The following AGMO variants were observed in gnomAD, a reference collection of about 807,000 sequenced individuals.
The protein encoded by AGMO is glyceryl-ether monooxygenase.
A neutral mutation model predicts 60.2 loss-of-function variants in AGMO; 75 were observed. The observed-to-expected ratio is 1.25, with a 90% CI of 1.03 to 1.51. AGMO has a LOEUF of 1.51. Ranked by LOEUF, AGMO falls within the 40% of genes most tolerant of loss-of-function variation. The pLI, the probability that AGMO is intolerant of heterozygous loss-of-function variation, is 0.00. For synonymous variants in AGMO, 261 were observed against 177.1 expected (o/e 1.47, Z -3.76); for missense variants, 763 against 525.5 (o/e 1.45, Z -4.42).
rs529628227 is a variant in AGMO at position 15,292,218 on chromosome 7, T to C, written c.1263+73296A>G. 1.5e-3 allele frequency among the ~76,000 whole-genome samples: 221 copies of C among 152,244 alleles called. 1 individual carries two copies. The highest frequency in any genetic ancestry group is 5.0e-3 in the African/African-American group (208 of 41,552). On this transcript the variant is annotated intron_variant, in intron 12 of 12. Coordinates refer to ENST00000342526, the MANE Select transcript of AGMO (RefSeq NM_001004320.2). ...GAGATTCTTCATCTTGGCTAAACAT[T>C]TGAATCAGCTGGGGAGCTGCAAAAG...
At chr7:15,543,454 G>C (rs867193659) in intron 3 of AGMO, among the ~76,000 whole-genome samples, 4 of 152,246 alleles carry the variant, frequency 2.6e-5, no homozygotes, top group Middle Eastern at 3.4e-3. Flanking sequence ...TTGCAGATGA[G>C]ACATTTTGTG....
intron 12 of AGMO, among the ~76,000 whole-genome samples, chr7:15,325,604 A>G (rs1414660143): frequency 2.6e-5 from 4 of 152,140 alleles, no homozygotes; most frequent in Admixed American, 2.0e-4. Flanking sequence ...AATATAAACA[A>G]TCAAAAAGGA....
At chr7:15,404,771 G>A (rs1329654284) in intron 5 of AGMO, among the ~76,000 whole-genome samples, 2 of 151,800 alleles carry the variant, frequency 1.3e-5, no homozygotes, top group Non-Finnish European at 2.9e-5. Flanking sequence ...CCCAATTTCA[G>A]ATATGACTTC....
intron 3 of AGMO, among the ~76,000 whole-genome samples, chr7:15,499,022 C>T (rs974341186): frequency 5.3e-5 from 8 of 151,878 alleles, no homozygotes; most frequent in Non-Finnish European, 1.2e-4. Flanking sequence ...CATAGAGTTA[C>T]AGAATTCTTC....
intron 12 of AGMO, among the ~76,000 whole-genome samples, chr7:15,361,018 G>C (rs907253804): frequency 6.6e-6 from 1 of 152,182 alleles, no homozygotes; most frequent in Non-Finnish European, 1.5e-5. Context: ...GCTATAGCTA[G>C]AATATTGGCA....
At chr7:15,175,877 C>T in the AGMO span, among the ~76,000 whole-genome samples, 76 of 151,944 alleles carry the variant, frequency 5.0e-4, no homozygotes, top group African/African-American at 1.7e-3. Flanking sequence ...AAGGTATTTA[C>T]TATGAAATTT....
chr7:15,345,764 C>G (rs1013752143), intron 12 of AGMO, among the ~76,000 whole-genome samples: 1 of 152,112 alleles, frequency 6.6e-6, no homozygotes, highest in Non-Finnish European at 1.5e-5. Flanking sequence ...AGCTTGATAA[C>G]TTACTTATCT....
intron 3 of AGMO, among the ~76,000 whole-genome samples, chr7:15,462,154 A>G (rs1782159407): frequency 6.6e-6 from 1 of 152,108 alleles, no homozygotes; most frequent in Admixed American, 6.6e-5. Flanking sequence ...AATTCTAAAT[A>G]AGACAAGTTT....
chr7:15,322,268 C>G (rs967612277), intron 12 of AGMO, among the ~76,000 whole-genome samples: 1 of 147,408 alleles, frequency 6.8e-6, no homozygotes, highest in Non-Finnish European at 1.5e-5. Flanking sequence ...AGGTACATAT[C>G]ATCAGACGCC....
chr7:15,229,363 G>A (rs1250154663), intron 12 of AGMO, among the ~76,000 whole-genome samples: 1 of 151,674 alleles, frequency 6.6e-6, no homozygotes, highest in East Asian at 1.9e-4. Flanking sequence ...ATGAAAGGTG[G>A]ATTCTAAGGG....
At chr7:15,384,036 C>A (rs62449264) in intron 10 of AGMO, among the ~76,000 whole-genome samples, 2,062 of 152,080 alleles carry the variant, frequency 0.014, 20 homozygotes, top group Non-Finnish European at 0.021. Flanking sequence ...CCCAGGTTCA[C>A]GTCATTCTTC....
intron 10 of AGMO, among the ~76,000 whole-genome samples, chr7:15,382,906 ATG>A (rs1783752603): frequency 6.6e-6 from 1 of 151,160 alleles, no homozygotes; most frequent in South Asian, 2.1e-4. Flanking sequence ...TCACGTATTT[ATG>A]TGTGATAACA....
At chr7:15,272,186 TTGTTACATA>T (rs780457303) in intron 12 of AGMO, among the ~76,000 whole-genome samples, 2 of 151,942 alleles carry the variant, frequency 1.3e-5, no homozygotes, top group African/African-American at 2.4e-5. Context: ...ACAACGTGGT[TTGTTACATA>T]TGTATACATG....
chr7:15,461,886 A>G (rs1290703063), intron 3 of AGMO, among the ~76,000 whole-genome samples: 1 of 152,150 alleles, frequency 6.6e-6, no homozygotes, highest in Non-Finnish European at 1.5e-5. Flanking sequence ...CCAGAGATTC[A>G]ATGTCACGAT....
intron 12 of AGMO, among the ~76,000 whole-genome samples, chr7:15,321,996 A>G (rs544755413): frequency 3.9e-5 from 6 of 152,014 alleles, no homozygotes; most frequent in African/African-American, 1.4e-4. Flanking sequence ...ACTAAGGAAA[A>G]GAGGTTAGGC....
chr7:15,548,522 G>C (rs184446533), intron 2 of AGMO, among the ~76,000 whole-genome samples: 5 of 152,062 alleles, frequency 3.3e-5, no homozygotes, highest in Non-Finnish European at 4.4e-5. Context: ...GAAGAATGCA[G>C]AAGGCTCAGG....
At chr7:15,150,138 T>G in the AGMO span, among the ~76,000 whole-genome samples, 2 of 152,050 alleles carry the variant, frequency 1.3e-5, no homozygotes, top group Non-Finnish European at 2.9e-5. Flanking sequence ...ATGCTACTGA[T>G]TTTTCTATAT....
At chr7:15,432,361 TAC>T (rs1554271578) in intron 3 of AGMO, among the ~76,000 whole-genome samples, 4 of 123,912 alleles carry the variant, frequency 3.2e-5, no homozygotes, top group African/African-American at 6.1e-5. Flanking sequence ...CATATATATA[TAC>T]ACACACATAT....
intron 3 of AGMO, among the ~76,000 whole-genome samples, chr7:15,492,284 A>C (rs1051592292): frequency 6.6e-6 from 1 of 151,766 alleles, no homozygotes; most frequent in Non-Finnish European, 1.5e-5. Flanking sequence ...GTTAAGACTA[A>C]GTCCTACTGG....
Sources: gnomAD v4.1 joint callset for allele counts (sites outside exome capture counted in the v4.1 genomes callset) on GRCh38, gnomAD v4.1.1 for gene constraint, MANE v1.5 for transcripts, NCBI Gene and HGNC (gene_info 2026-07-23, HGNC 2026-07-21) for gene names.